Variants in SERAC1 observed in about 807,000 individuals in gnomAD.
The protein encoded by SERAC1 is protein SERAC1.
SERAC1 carries 36 observed loss-of-function variants against 85.7 expected under a neutral mutation model. The ratio of observed to expected loss-of-function variants is 0.42; its 90% confidence interval spans 0.32 to 0.55. The LOEUF (loss-of-function observed/expected upper bound fraction) is 0.55, where lower values mean the gene tolerates loss of function less well. Among genes scored for constraint, SERAC1 ranks in the 20% least tolerant of loss-of-function variants. The pLI, the probability that SERAC1 is intolerant of heterozygous loss-of-function variation, is 0.11. For missense variants in SERAC1, 629 were observed against 796.2 expected, an observed-to-expected ratio of 0.79 and a Z score of 2.53; for synonymous variants, 242 against 265.3, an observed-to-expected ratio of 0.91 and a Z score of 0.85.
intron 8 of SERAC1, among the ~76,000 whole-genome samples, chr6:158,131,927 T>C (rs953833781): frequency 3.9e-5 from 6 of 152,192 alleles, no homozygotes; most frequent in South Asian, 2.1e-4. Flanking sequence ...CACTGATATA[T>C]ACCAATCTCC....
intron 7 of SERAC1, among the ~76,000 whole-genome samples, 192 bp from the exon 8 acceptor site, chr6:158,143,376 C>CAT (rs1252631145): frequency 0.048 from 457 of 9,512 alleles, 2 homozygotes; most frequent in Middle Eastern, 0.2. Context: ...TATATATATA[C>CAT]ACACACACAT....
chr6:158,153,465 C>T (rs1435197060), intron 3 of SERAC1, among the ~76,000 whole-genome samples: 2 of 152,176 alleles, frequency 1.3e-5, no homozygotes, highest in Non-Finnish European at 2.9e-5. Context: ...TCTATCTACA[C>T]GTACAGGTAT....
chr6:158,147,799 A>G (rs1785107439), intron 5 of SERAC1, among the ~76,000 whole-genome samples: 1 of 142,994 alleles, frequency 7.0e-6, no homozygotes, highest in African/African-American at 2.6e-5. Flanking sequence ...AAAAAAAAAA[A>G]AGAATAACAT....
intron 10 of SERAC1, among the ~76,000 whole-genome samples, chr6:158,127,360 C>A (rs1345091595): frequency 6.2e-5 from 2 of 32,170 alleles, no homozygotes; most frequent in Non-Finnish European, 6.4e-5. Context: ...CCGCCCCGTC[C>A]GGGAGGGAGG....
chr6:158,118,448 C>G (rs1172050683), intron 12 of SERAC1, among the ~76,000 whole-genome samples: 3 of 151,828 alleles, frequency 2.0e-5, no homozygotes, highest in African/African-American at 7.2e-5. Context: ...GAAATAGTAT[C>G]AAAGAAATGT....
chr6:158,160,584 T>C (rs1785465601), intron 1 of SERAC1, among the ~76,000 whole-genome samples: 1 of 152,244 alleles, frequency 6.6e-6, no homozygotes, highest in Non-Finnish European at 1.5e-5. Context: ...TCTTTTGGTA[T>C]CATTTATAAT....
At chr6:158,165,718 ATGT>A (rs1212321930) in intron 1 of SERAC1, among the ~76,000 whole-genome samples, 3 of 152,196 alleles carry the variant, frequency 2.0e-5, no homozygotes, top group Admixed American at 6.5e-5. Context: ...AAAAAAACAG[ATGT>A]TGCCCTTGAT....
In SERAC1 at chr6:158,168,171, C is replaced by T. The variant is rs1307475218; in HGVS notation, c.-33G>A. 1 of 152,206 alleles carries T rather than the reference C, an allele frequency of 6.6e-6. No homozygotes were observed. The highest frequency in any genetic ancestry group is 2.4e-5 in the African/African-American group (1 of 41,446). 9.4% of individuals were successfully genotyped at this position (152,206 alleles called of 1,614,324 possible). A position where few individuals can be genotyped will look rare whatever the true frequency, so the allele number is the denominator to read the frequency against. ...GCAGGCGGACTCAGCCCGTGCCCAA[C>T]TGCTCGTCGGACCCCGTTGTCTGGG... On this transcript the variant is annotated 5_prime_UTR_variant, in exon 1 of 17. Coordinates refer to ENST00000647468, the MANE Select transcript of SERAC1 (RefSeq NM_032861.4).
rs1784382018 is a variant in SERAC1, at chr6:158,119,986, G to A, written c.1166+439C>T. On this transcript the variant is annotated intron_variant, in intron 11 of 16. Transcript: ENST00000647468. The surrounding 1 kb of genome is among the most constrained non-coding windows in gnomAD (Gnocchi z 4.5). ...TTTCTAATGCATCCTTTTATAACTAGCATAAACTTTCTCCAGTCCCTTGAG... is the reference window on the plus strand; with the variant it reads ...TTTCTAATGCATCCTTTTATAACTAACATAAACTTTCTCCAGTCCCTTGAG... 6.6e-6 allele frequency among the ~76,000 whole-genome samples: 1 copy of A among 152,060 alleles called. No homozygotes were observed. The highest frequency in any genetic ancestry group is 2.1e-4 in the South Asian group (1 of 4,810).
chr6:158,121,923 C>A (rs1784431338), intron 10 of SERAC1, among the ~76,000 whole-genome samples: 1 of 152,186 alleles, frequency 6.6e-6, no homozygotes, highest in South Asian at 2.1e-4. Context: ...GGAAAACTTA[C>A]TTCTTTAACA....
chr6:158,150,654 T>A (rs1368497546), intron 3 of SERAC1, 65 bp from the exon 4 acceptor site: 1 of 1,190,740 alleles, frequency 8.4e-7, no homozygotes, highest in Non-Finnish European at 1.2e-6. Flanking sequence ...GAGCTACTCT[T>A]CTCTATTAAG....
At chr6:158,148,086 A>G (rs1167256788) in intron 5 of SERAC1, among the ~76,000 whole-genome samples, 6 of 152,172 alleles carry the variant, frequency 3.9e-5, no homozygotes, top group African/African-American at 1.4e-4. Flanking sequence ...TTTTTCAAAA[A>G]AATATATTTA....
At chr6:158,135,088 A>T (rs1001922417) in intron 8 of SERAC1, among the ~76,000 whole-genome samples, 1 of 152,112 alleles carries the variant, frequency 6.6e-6, no homozygotes, top group Admixed American at 6.6e-5. Flanking sequence ...CAATCTACAA[A>T]CCACTGCTTT....
chr6:158,154,812 A>AGATGT (rs1785286736), intron 3 of SERAC1, among the ~76,000 whole-genome samples: 1 of 152,156 alleles, frequency 6.6e-6, no homozygotes, highest in African/African-American at 2.4e-5. Flanking sequence ...ACCTAATACC[A>AGATGT]GATGTGACCC....
At position 158,110,929 on chromosome 6, in the gene SERAC1, G is replaced by A. The variant is rs1189478958; in HGVS notation, c.*437C>T. ...CAAATCAATACCCAGAAGTAAAAGAGTCTTGAATGTTCTAGTTCATTCTTC... is the reference window on the plus strand; with the variant it reads ...CAAATCAATACCCAGAAGTAAAAGAATCTTGAATGTTCTAGTTCATTCTTC... On this transcript the variant is annotated 3_prime_UTR_variant, in exon 17 of 17. Coordinates refer to ENST00000647468, the MANE Select transcript of SERAC1 (RefSeq NM_032861.4). The A allele has an allele frequency of 6.5e-6, 1 of 152,742 alleles. No homozygotes were observed. Among genetic ancestry groups the A allele is most frequent in the Non-Finnish European group, 1.5e-5 (1 of 68,414 alleles). The allele number at this position is 152,742 out of a possible 1,614,324, so 9.5% of individuals were successfully genotyped here. A position where few individuals can be genotyped will look rare whatever the true frequency, so the allele number is the denominator to read the frequency against.
intron 15 of SERAC1, 121 bp downstream of exon 15, chr6:158,114,668 T>TAAAC (rs1784233334): frequency 6.6e-7 from 1 of 1,504,370 alleles, no homozygotes; most frequent in African/African-American, 1.4e-5. Context: ...ATGAATAGTC[T>TAAAC]AAACACAATT....
At chr6:158,140,030 A>G (rs1784879126) in intron 8 of SERAC1, among the ~76,000 whole-genome samples, 1 of 152,234 alleles carries the variant, frequency 6.6e-6, no homozygotes. Flanking sequence ...ACACCCAGAA[A>G]TTCCACTCCT....
At chr6:158,143,347 C>CTATATA (rs753604114) in intron 7 of SERAC1, among the ~76,000 whole-genome samples, 163 bp from the exon 8 acceptor site, 1 of 46,366 alleles carries the variant, frequency 2.2e-5, no homozygotes, top group African/African-American at 1.1e-4. Flanking sequence ...CTCTCTCTCT[C>CTATATA]TATATATATA....
chr6:158,136,564 T>C (rs547362923), intron 8 of SERAC1, among the ~76,000 whole-genome samples: 1 of 152,122 alleles, frequency 6.6e-6, no homozygotes, highest in Non-Finnish European at 1.5e-5. Flanking sequence ...GAAACTATCA[T>C]AGAGCACCGC....
Sources: gnomAD v4.1 joint callset for allele counts (sites outside exome capture counted in the v4.1 genomes callset) on GRCh38, gnomAD v4.1.1 for gene constraint, Gnocchi (gnomAD v3.1) non-coding constraint, MANE v1.5 for transcripts, NCBI Gene and HGNC (gene_info 2026-07-23, HGNC 2026-07-21) for gene names.